The following STAG1 variants were observed in gnomAD, a reference collection of about 807,000 sequenced individuals.
STAG1 encodes cohesin subunit SA-1.
In STAG1, 26 loss-of-function variants were observed where a neutral mutation model predicts 170.9. The ratio of observed to expected loss-of-function variants is 0.15; its 90% confidence interval spans 0.11 to 0.21. STAG1 has a LOEUF of 0.21. Among genes scored for constraint, STAG1 ranks in the 10% least tolerant of loss-of-function variants. The pLI is 1.00. For missense variants in STAG1, 964 were observed against 1,509.5 expected (o/e 0.64, Z 5.99); for synonymous variants, 514 against 497.7 (o/e 1.03, Z -0.44).
chr3:136,348,186 A>T, intron 29 of STAG1, among the ~76,000 whole-genome samples: 1 of 152,322 alleles, frequency 6.6e-6, no homozygotes, highest in South Asian at 2.1e-4. Flanking sequence ...ATTTATTAGA[A>T]GCATGAAGAA....
At chr3:136,682,686 A>G (rs1479595583) in intron 1 of STAG1, among the ~76,000 whole-genome samples, 5 of 152,118 alleles carry the variant, frequency 3.3e-5, no homozygotes, top group Non-Finnish European at 7.4e-5. Flanking sequence ...TGAAAAAGGC[A>G]AAAGACTTAA....
chr3:136,637,908 T>C (rs920705330), intron 1 of STAG1, among the ~76,000 whole-genome samples: 1 of 151,860 alleles, frequency 6.6e-6, no homozygotes, highest in African/African-American at 2.4e-5. Flanking sequence ...GGTCTTGCTC[T>C]GTAGCCCAGG....
chr3:136,488,937 C>G (rs939493641), intron 9 of STAG1, among the ~76,000 whole-genome samples: 6 of 152,140 alleles, frequency 3.9e-5, no homozygotes, highest in Non-Finnish European at 7.4e-5. Context: ...AGAAAGATGT[C>G]TAGCTGAGGC....
intron 9 of STAG1, among the ~76,000 whole-genome samples, chr3:136,488,005 C>A (rs1439975698): frequency 6.6e-6 from 1 of 152,220 alleles, no homozygotes. Context: ...ACAACCCCAG[C>A]CAAGTCTTCA....
At chr3:136,724,808 C>T (rs1177727419) in intron 1 of STAG1, among the ~76,000 whole-genome samples, 1 of 152,026 alleles carries the variant, frequency 6.6e-6, no homozygotes. Context: ...AAACAAGGTT[C>T]TCAGCTAGTT....
chr3:136,562,553 TTACTC>T (rs1054564464), intron 5 of STAG1, among the ~76,000 whole-genome samples: 10 of 151,956 alleles, frequency 6.6e-5, no homozygotes, highest in African/African-American at 2.2e-4. Flanking sequence ...TCATGTTTCT[TTACTC>T]TACTTTAAGC....
intron 22 of STAG1, among the ~76,000 whole-genome samples, chr3:136,378,224 C>T (rs1937716859): frequency 6.6e-6 from 1 of 152,170 alleles, no homozygotes; most frequent in Non-Finnish European, 1.5e-5. Context: ...AGTTAACATT[C>T]TAGCAGACAG....
chr3:136,689,370 C>A (rs1207004337), intron 1 of STAG1, among the ~76,000 whole-genome samples: 1 of 152,126 alleles, frequency 6.6e-6, no homozygotes, highest in African/African-American at 2.4e-5. Flanking sequence ...GCATAATAAG[C>A]CAAATAAGGA....
intron 4 of STAG1, among the ~76,000 whole-genome samples, chr3:136,589,594 G>T (rs1480807874): frequency 2.9e-5 from 4 of 139,556 alleles, no homozygotes; most frequent in African/African-American, 1.1e-4. Context: ...CCAAGATCGT[G>T]CCACTGCACT....
At chr3:136,380,168 G>A (rs758244372) in intron 22 of STAG1, among the ~76,000 whole-genome samples, 10 of 152,144 alleles carry the variant, frequency 6.6e-5, no homozygotes, top group African/African-American at 1.2e-4. Flanking sequence ...GGATTCAAAC[G>A]TGGGGCTGTC....
chr3:136,706,947 C>A (rs1367865268), intron 1 of STAG1, among the ~76,000 whole-genome samples: 1 of 152,058 alleles, frequency 6.6e-6, no homozygotes, highest in African/African-American at 2.4e-5. Flanking sequence ...GACAATTCAA[C>A]GGGGAAGAAA....
chr3:136,666,236 A>C (rs1425162232), intron 1 of STAG1, among the ~76,000 whole-genome samples: 1 of 152,056 alleles, frequency 6.6e-6, no homozygotes, highest in Admixed American at 6.6e-5. Context: ...CAATCTGAAC[A>C]ATCAAGGAAG....
chr3:136,512,522 T>C (rs1934120537), intron 7 of STAG1, among the ~76,000 whole-genome samples: 1 of 152,218 alleles, frequency 6.6e-6, no homozygotes, highest in Non-Finnish European at 1.5e-5. Context: ...TCCAGACATT[T>C]ATCTTCTCAA....
At chr3:136,456,392 A>G (rs1317969601) in intron 13 of STAG1, among the ~76,000 whole-genome samples, 1 of 152,216 alleles carries the variant, frequency 6.6e-6, no homozygotes, top group Admixed American at 6.5e-5. Context: ...GAAAGCTTCA[A>G]CAGCAAACTT....
At chr3:136,364,585 C>G (rs1354214764) in intron 25 of STAG1, among the ~76,000 whole-genome samples, 2 of 152,108 alleles carry the variant, frequency 1.3e-5, no homozygotes, top group Admixed American at 6.5e-5. Flanking sequence ...TATCTCATCC[C>G]TGTAACCCCC....
intron 9 of STAG1, among the ~76,000 whole-genome samples, chr3:136,498,683 T>C (rs528007767): frequency 4.7e-4 from 71 of 150,418 alleles, no homozygotes. Flanking sequence ...TAGACCTCCA[T>C]AAAGTTGCAG....
chr3:136,343,355 T>A (rs1936079438), intron 30 of STAG1, among the ~76,000 whole-genome samples: 1 of 152,238 alleles, frequency 6.6e-6, no homozygotes, highest in Admixed American at 6.5e-5. Context: ...ATTCTCAGAA[T>A]TTATCAAGTA....
chr3:136,468,026 T>C (rs998317341), intron 12 of STAG1, among the ~76,000 whole-genome samples: 6 of 152,172 alleles, frequency 3.9e-5, no homozygotes, highest in African/African-American at 1.4e-4. Context: ...GGGAAATGTA[T>C]AGCACTAAAT....
chr3:136,613,313 CAAAA>C (rs60449608), intron 3 of STAG1, among the ~76,000 whole-genome samples: 840 of 59,736 alleles, frequency 0.014, 13 homozygotes, highest in African/African-American at 0.056. Flanking sequence ...GACTCCGTCT[CAAAA>C]AAAAAAAAAA....
Sources: allele counts gnomAD v4.1 joint callset (sites outside exome capture counted in the v4.1 genomes callset), GRCh38; gene constraint gnomAD v4.1.1; transcripts MANE v1.5; gene names NCBI Gene and HGNC (gene_info 2026-07-23, HGNC 2026-07-21).